Variants in ARRDC4 observed in about 807,000 individuals in gnomAD.
ARRDC4 encodes arrestin domain containing 4.
ARRDC4 carries 40 observed loss-of-function variants against 44.6 expected under a neutral mutation model. The ratio of observed to expected loss-of-function variants is 0.90; its 90% confidence interval spans 0.70 to 1.17. ARRDC4 has a LOEUF of 1.17. Ranked by LOEUF, ARRDC4 falls within the 50% of genes most tolerant of loss-of-function variation. ARRDC4 has a pLI of 0.00. For synonymous variants in ARRDC4, 211 were observed against 221.2 expected (o/e 0.95, Z 0.41); for missense variants, 550 against 559.1 (o/e 0.98, Z 0.16).
chr15:97,964,869 A>G (rs1899388121), intron 1 of ARRDC4, among the ~76,000 whole-genome samples: 3 of 152,158 alleles, frequency 2.0e-5, no homozygotes, highest in Admixed American at 6.5e-5. Flanking sequence ...CTCAAAGAAT[A>G]CTCAGTGTGA....
In ARRDC4 at chr15:97,969,927, G is replaced by A. The variant is rs756517042; in HGVS notation, c.927G>A (p.Leu309=). 5.0e-6 allele frequency: 8 copies of A among 1,605,314 alleles called. No homozygotes were observed. In the Admixed American group the frequency reaches 8.4e-5, roughly 17 times the overall value. Residue 309 remains leucine (L), a synonymous_variant, in exon 6 of 8, where the codon CTG becomes CTA. Transcript: ENST00000268042. ...GTGCTAAAAAATTGATGCTCGAACT[G>A]CCATTAGTGATCGGTACAATTCCAT... The part of the protein sequence containing the change: ...IPGAKKLMLE[L]PLVIGTIPYN...
intron 4 of ARRDC4, 71 bp from the exon 5 acceptor site, chr15:97,969,052 G>A (rs1019002200): frequency 4.0e-5 from 59 of 1,472,676 alleles, no homozygotes; most frequent in South Asian, 3.1e-4. Context: ...TCAGCTATAC[G>A]GCCCTAATCC....
intron 1 of ARRDC4, among the ~76,000 whole-genome samples, chr15:97,961,556 C>T (rs116547691): frequency 6.6e-6 from 1 of 152,298 alleles, no homozygotes; most frequent in African/African-American, 2.4e-5. Flanking sequence ...GTGCCCGTGT[C>T]CTATGGCCTC....
Position 97,960,897 on chromosome 15 carries a change from T to A in ARRDC4, c.36T>A (p.Gly12=). ...GGEAGCAAAV[G]AEGRVKSLGL... ...AGGCTGGGTGCGCGGCGGCCGTGGGTGCCGAGGGCCGCGTGAAGAGCCTGG... is the reference window on the plus strand; with the variant it reads ...AGGCTGGGTGCGCGGCGGCCGTGGGAGCCGAGGGCCGCGTGAAGAGCCTGG... The change falls in exon 1 of 8, where the codon GGT becomes GGA. Residue 12 remains glycine (G), a synonymous_variant. Coordinates refer to ENST00000268042, the MANE Select transcript of ARRDC4 (RefSeq NM_183376.3). The A allele has an allele frequency of 7.0e-7, 1 of 1,421,878 alleles. No individual in the cohort carries two copies. Among genetic ancestry groups the A allele is most frequent in the Non-Finnish European group, 9.3e-7 (1 of 1,080,770 alleles). 88.1% of individuals were successfully genotyped at this position (1,421,878 alleles called of 1,614,324 possible).
rs1899492292 is a variant in ARRDC4 at position 97,970,589 on chromosome 15, C to T, written c.1046C>T (p.Ala349Val). 1.2e-6 allele frequency: 2 copies of T among 1,602,892 alleles called. No individual in the cohort carries two copies. Among genetic ancestry groups the T allele is most frequent in the Non-Finnish European group, 1.7e-6 (2 of 1,173,908 alleles). Residue 349 changes from alanine (A) to valine (V), a missense_variant and splice_region_variant, in exon 7 of 8, where the codon GCA (alanine) becomes GTA (valine). Transcript: ENST00000268042. This position sits in a 1 kb window ranked among gnomAD's most constrained non-coding sequence, Gnocchi z 4.2. ...AACTCCAACTTCATTTCTATTTCAGCACCACCAAATTATGCAGATGTGGTA... is the reference window on the plus strand; with the variant it reads ...AACTCCAACTTCATTTCTATTTCAGTACCACCAAATTATGCAGATGTGGTA... ...LTLTLPEQPEAPPNYADVVSE... is the reference protein window; with the variant it reads ...LTLTLPEQPEVPPNYADVVSE...
In ARRDC4 at chr15:97,970,477, G is replaced by T; in HGVS notation, c.1046-112G>T. 8.7e-7 allele frequency: 1 copy of T among 1,146,438 alleles called. No homozygotes were observed. Among genetic ancestry groups the T allele is most frequent in the Non-Finnish European group, 1.2e-6 (1 of 819,092 alleles). 71.0% of individuals were successfully genotyped at this position (1,146,438 alleles called of 1,614,324 possible). On this transcript the variant is annotated intron_variant, in intron 6 of 7. Transcript: ENST00000268042. This position sits in a 1 kb window ranked among gnomAD's most constrained non-coding sequence, Gnocchi z 4.2. Reference sequence around the variant, plus strand: ...TAAAACCTTGCTGATTAGAGGGAAAGAATGCCATATTTTTTATCTTCAAGT... The same window carrying T: ...TAAAACCTTGCTGATTAGAGGGAAATAATGCCATATTTTTTATCTTCAAGT...
At chr15:97,962,218 C>G (rs928349070) in intron 1 of ARRDC4, among the ~76,000 whole-genome samples, 2 of 152,132 alleles carry the variant, frequency 1.3e-5, no homozygotes, top group Non-Finnish European at 2.9e-5. Context: ...ACTGTGGACA[C>G]AGTGAACTCC....
At chr15:97,964,997 T>TAC (rs138550311) in intron 1 of ARRDC4, among the ~76,000 whole-genome samples, 19,222 of 147,752 alleles carry the variant, frequency 0.13, 2,327 homozygotes, top group African/African-American at 0.32. Flanking sequence ...GATTTTTACA[T>TAC]ACACACACAC....
rs1299503615 is a variant in ARRDC4, at chr15:97,971,872, A to G, written c.*685A>G. 1 of 152,234 alleles carries G rather than the reference A, an allele frequency of 6.6e-6. No individual in the cohort carries two copies. Among genetic ancestry groups the G allele is most frequent in the Admixed American group, 6.5e-5 (1 of 15,280 alleles). 9.4% of individuals were successfully genotyped at this position (152,234 alleles called of 1,614,324 possible). A position where few individuals can be genotyped will look rare whatever the true frequency, so the allele number is the denominator to read the frequency against. On this transcript the variant is annotated 3_prime_UTR_variant, in exon 8 of 8. Transcript: ENST00000268042. ...TGAAAAGCTTGTCGGTTCAAAGAGG[A>G]AAGATGAATTTCAATGTGAAAACAC...
Position 97,971,644 on chromosome 15 carries a change from T to C in ARRDC4, c.*457T>C, listed in dbSNP as rs1899517243. 6.0e-6 allele frequency: 1 copy of C among 166,124 alleles called. No individual in the cohort carries two copies. The highest frequency in any genetic ancestry group is 2.4e-5 in the African/African-American group (1 of 41,648). 10.3% of individuals were successfully genotyped at this position (166,124 alleles called of 1,614,324 possible). ...GCATAGGAGAATGGCCCACTCCAAA[T>C]ACGAAGTGAGATCCTGAGTCTTTGG... On this transcript the variant is annotated 3_prime_UTR_variant, in exon 8 of 8. Transcript: ENST00000268042.
chr15:97,961,680 G>A lies in ARRDC4; in HGVS notation c.307+512G>A, dbSNP rs537808594. Among the ~76,000 whole-genome samples the A allele has an allele frequency of 2.6e-5, 4 of 152,320 alleles. No homozygotes were observed. In the East Asian group the frequency reaches 7.7e-4, roughly 29 times the overall value. ...AGGAGTTCAAAGGAAGTGTTTTCCAGACTTGATCATCATGCTTGGTTTCCC... is the reference window on the plus strand; with the variant it reads ...AGGAGTTCAAAGGAAGTGTTTTCCAAACTTGATCATCATGCTTGGTTTCCC... On this transcript the variant is annotated intron_variant, in intron 1 of 7. Transcript: ENST00000268042.
chr15:97,970,929 G>C lies in ARRDC4; in HGVS notation c.1200+186G>C, dbSNP rs1428806621. ...CAGATTTTTTTACTATTGTCCTTGT[G>C]ATCTATGGCATCAGATACAGTATTG... On this transcript the variant is annotated intron_variant, in intron 7 of 7. Transcript: ENST00000268042. The surrounding 1 kb of genome is among the most constrained non-coding windows in gnomAD (Gnocchi z 4.2). 6.6e-6 allele frequency among the ~76,000 whole-genome samples: 1 copy of C among 152,020 alleles called. No individual in the cohort carries two copies. Among genetic ancestry groups the C allele is most frequent in the Non-Finnish European group, 1.5e-5 (1 of 67,994 alleles).
rs150816834 is a variant in ARRDC4 at position 97,969,208 on chromosome 15, A to G, written c.711A>G (p.Thr237=). 2.4e-4 allele frequency: 393 copies of G among 1,613,944 alleles called. No homozygotes were observed. The highest frequency in any genetic ancestry group is 8.2e-4 in the Middle Eastern group (5 of 6,062). ...AGGCTGCTATTTTCCAAACGCAGAC[A>G]TATTTGGCTAGTGGAAAAACAAAGA... The part of the protein sequence containing the change: ...VPKAAIFQTQ[T]YLASGKTKTI... The change falls in exon 5 of 8, where the codon ACA becomes ACG. Residue 237 remains threonine (T), a synonymous_variant. Transcript: ENST00000268042.
At position 97,961,005 on chromosome 15, in the gene ARRDC4, G is replaced by A. The variant is rs1899302881; in HGVS notation, c.144G>A (p.Glu48=). 2.1e-6 allele frequency: 3 copies of A among 1,447,844 alleles called. No homozygotes were observed. The highest frequency in any genetic ancestry group is 2.7e-6 in the Non-Finnish European group (3 of 1,099,526). 89.7% of individuals were successfully genotyped at this position (1,447,844 alleles called of 1,614,324 possible). A position where few individuals can be genotyped will look rare whatever the true frequency, so the allele number is the denominator to read the frequency against. The change falls in exon 1 of 8, where the codon GAG becomes GAA. Residue 48 remains glutamate, a synonymous_variant. Transcript: ENST00000268042. ...GGCACGTGCTGCTGGAGGCGTCCGAGCCGGTGGCCCTGCGCGCGCTGCGCC... is the reference window on the plus strand; with the variant it reads ...GGCACGTGCTGCTGGAGGCGTCCGAACCGGTGGCCCTGCGCGCGCTGCGCC... ...VAGHVLLEAS[E]PVALRALRLE... is the part of the protein sequence containing the mutation.
chr15:97,970,097 A>T lies in ARRDC4; in HGVS notation c.1045+52A>T. The T allele has an allele frequency of 1.9e-6, 3 of 1,560,750 alleles. No homozygotes were observed. Among genetic ancestry groups the T allele is most frequent in the Non-Finnish European group, 2.6e-6 (3 of 1,142,698 alleles). On this transcript the variant is annotated intron_variant, in intron 6 of 7. Transcript: ENST00000268042. The surrounding 1 kb of genome is among the most constrained non-coding windows in gnomAD (Gnocchi z 4.2). ...ACGAAGCTTTACCTAGAAAATACCTAGGAACAGAATATATACACTATTAAG... is the reference window on the plus strand; with the variant it reads ...ACGAAGCTTTACCTAGAAAATACCTTGGAACAGAATATATACACTATTAAG...
chr15:97,968,357 A>G lies in ARRDC4; in HGVS notation c.625+241A>G, dbSNP rs571695201. Among the ~76,000 whole-genome samples, 2 of 152,332 alleles carry G rather than the reference A, an allele frequency of 1.3e-5. No homozygotes were observed. The highest frequency in any genetic ancestry group is 4.1e-4 in the South Asian group (2 of 4,830). On this transcript the variant is annotated intron_variant, in intron 4 of 7. Transcript: ENST00000268042. This position sits in a 1 kb window ranked among gnomAD's most constrained non-coding sequence, Gnocchi z 5.4. ...TCCTGTTACTTTAGTAACAAAGAGT[A>G]TAACTAGAGGAATGAGAAAATGCCA...
chr15:97,973,468 C>T lies in ARRDC4; in HGVS notation c.*2281C>T, dbSNP rs1899548615. 6.6e-6 allele frequency: 1 copy of T among 152,458 alleles called. No individual in the cohort carries two copies. The highest frequency in any genetic ancestry group is 6.5e-5 in the Admixed American group (1 of 15,270). 9.4% of individuals were successfully genotyped at this position (152,458 alleles called of 1,614,324 possible). On this transcript the variant is annotated 3_prime_UTR_variant, in exon 8 of 8. Transcript: ENST00000268042. ...GAATGTGGAGAATTCTACATTGAAA[C>T]AGAAAATACCTGGGAATGAAGATTA...
Position 97,960,865 on chromosome 15 carries a change from G to A in ARRDC4, c.4G>A (p.Gly2Ser). The change falls in exon 1 of 8, where the codon GGC (glycine) becomes AGC (serine). Residue 2 changes from glycine (G) to serine (S), a missense_variant. Transcript: ENST00000268042. ...CAGGAAAGAGTCGCCCGGCGGGATG[G>A]GCGGGGAGGCTGGGTGCGCGGCGGC... The part of the protein sequence containing the change: M[G>S]GEAGCAAAVG... 1 of 1,367,520 alleles carries A rather than the reference G, an allele frequency of 7.3e-7. No individual in the cohort carries two copies. 84.7% of individuals were successfully genotyped at this position (1,367,520 alleles called of 1,614,324 possible).
chr15:97,961,646 C>T (rs1899323558), intron 1 of ARRDC4, among the ~76,000 whole-genome samples: 1 of 152,268 alleles, frequency 6.6e-6, no homozygotes, highest in Non-Finnish European at 1.5e-5. Flanking sequence ...GAAGTAGTTT[C>T]TGAGGGGTAG....
Sources: gnomAD v4.1 joint callset for allele counts (sites outside exome capture counted in the v4.1 genomes callset) on GRCh38, gnomAD v4.1.1 for gene constraint, Gnocchi (gnomAD v3.1) non-coding constraint, MANE v1.5 for transcripts, NCBI Gene and HGNC (gene_info 2026-07-23, HGNC 2026-07-21) for gene names.